Variants in CHM observed in about 807,000 individuals in gnomAD.
The protein encoded by CHM is rab proteins geranylgeranyltransferase component A 1.
Under a neutral mutation model 49.0 loss-of-function variants are expected in CHM, and 10 were observed. That is an observed-to-expected ratio of 0.20 (90% CI 0.13 to 0.35). The LOEUF (loss-of-function observed/expected upper bound fraction) is 0.35. Among genes scored for constraint, CHM ranks in the 10% least tolerant of loss-of-function variants. The pLI is 1.00. For missense variants in CHM, 455 were observed against 478.4 expected (o/e 0.95, Z 0.46); for synonymous variants, 184 against 167.5 (o/e 1.10, Z -0.76).
At position 85,935,095 on chromosome X, in the gene CHM, C is replaced by T. The variant is rs1301609068; in HGVS notation, c.1166+21058G>A. 2.7e-5 allele frequency among the ~76,000 whole-genome samples: 3 copies of T among 111,650 alleles called. No homozygotes were observed. In the East Asian group the frequency reaches 8.5e-4, roughly 31 times the overall value. On this transcript the variant is annotated intron_variant, in intron 8 of 14. Coordinates refer to ENST00000357749, the MANE Select transcript of CHM (RefSeq NM_000390.4). ...GGCTGTTCAAGAAACATGGTGCCAGCATCTGCTTCTGGTGAGAGCTTCAGG... is the reference window on the plus strand; with the variant it reads ...GGCTGTTCAAGAAACATGGTGCCAGTATCTGCTTCTGGTGAGAGCTTCAGG...
chrX:85,913,337 AAAGAAAGAAAGAAAGAAAGAAAGAAAG>A, intron 8 of CHM, among the ~76,000 whole-genome samples: 2 of 52,563 alleles, frequency 3.8e-5, no homozygotes, highest in Middle Eastern at 8.4e-3. Context: ...AAAAAAAAAG[AAAGAAAGAAAGAAAGAAAGAAAGAAAG>A]AAAGAAAGAA....
At chrX:86,002,193 C>A (rs1205558081) in intron 2 of CHM, among the ~76,000 whole-genome samples, 1 of 112,112 alleles carries the variant, frequency 8.9e-6, no homozygotes, top group African/African-American at 3.2e-5. Flanking sequence ...TCTCTGAAAG[C>A]TGGAACCTGG....
At chrX:85,935,362 G>A (rs1223189980) in intron 8 of CHM, among the ~76,000 whole-genome samples, 1 of 111,540 alleles carries the variant, frequency 9.0e-6, no homozygotes, top group Non-Finnish European at 1.9e-5. Flanking sequence ...TTCAACATGA[G>A]ATTTGGAGGA....
chrX:85,916,375 A>G (rs1227736022), intron 8 of CHM, among the ~76,000 whole-genome samples: 1 of 112,146 alleles, frequency 8.9e-6, no homozygotes, highest in Non-Finnish European at 1.9e-5. Context: ...AGGAAATACC[A>G]TTCTGGACAT....
At chrX:86,045,680 A>G (rs746069319) in intron 1 of CHM, among the ~76,000 whole-genome samples, 11 of 111,606 alleles carry the variant, frequency 9.9e-5, no homozygotes, top group African/African-American at 3.6e-4. Context: ...ATGTCTTCCA[A>G]TTCTGAACTG....
chrX:85,870,881 C>T (rs1924009437), intron 14 of CHM, among the ~76,000 whole-genome samples: 1 of 111,353 alleles, frequency 9.0e-6, no homozygotes, highest in Non-Finnish European at 1.9e-5. Flanking sequence ...GTTTTCGGTG[C>T]ATCTTCAAAT....
rs774729117 is a variant in CHM, at chrX:85,864,847, C to T, written c.1771-26G>A. ...CTGGCCAAGGAAGAAAAGATAAAATCGTTTTTGGAAATCGGTTTAAAATGT... is the reference window on the plus strand; with the variant it reads ...CTGGCCAAGGAAGAAAAGATAAAATTGTTTTTGGAAATCGGTTTAAAATGT... On this transcript the variant is annotated intron_variant, in intron 14 of 14. Coordinates refer to ENST00000357749, the MANE Select transcript of CHM (RefSeq NM_000390.4). 1.1e-5 allele frequency: 13 copies of T among 1,175,027 alleles called. No homozygotes were observed. The East Asian group carries it at 3.1e-4, about 28-fold the overall frequency.
chrX:85,912,660 C>G (rs1927101519), intron 8 of CHM, among the ~76,000 whole-genome samples: 1 of 111,393 alleles, frequency 9.0e-6, no homozygotes, highest in Non-Finnish European at 1.9e-5. Context: ...GATTAATGCA[C>G]TGATCTTGAG....
intron 12 of CHM, among the ~76,000 whole-genome samples, chrX:85,888,568 C>T (rs1030373088): frequency 4.5e-5 from 5 of 111,339 alleles, no homozygotes; most frequent in African/African-American, 9.8e-5. Context: ...AAAGCTGGAA[C>T]GAAGAAAGCA....
chrX:86,007,604 G>A (rs372679455), intron 2 of CHM, among the ~76,000 whole-genome samples: 40 of 112,175 alleles, frequency 3.6e-4, no homozygotes, highest in South Asian at 1.1e-3. Flanking sequence ...AAGGATATTA[G>A]TAGACACTTC....
intron 2 of CHM, among the ~76,000 whole-genome samples, chrX:85,999,369 A>G (rs1331431043): frequency 8.9e-6 from 1 of 111,777 alleles, no homozygotes; most frequent in African/African-American, 3.2e-5. Context: ...GACCCCAAAT[A>G]TTAAGTATTC....
intron 11 of CHM, 55 bp downstream of exon 11, chrX:85,900,591 C>G: frequency 1.4e-6 from 1 of 721,937 alleles, no homozygotes; most frequent in Non-Finnish European, 2.1e-6. Flanking sequence ...TATATATATA[C>G]CGAAACATCT....
At chrX:85,982,097 GGCATTTA>G (rs759617399) in intron 2 of CHM, among the ~76,000 whole-genome samples, 199 of 111,972 alleles carry the variant, frequency 1.8e-3, no homozygotes, top group African/African-American at 6.1e-3. Context: ...GCCTGACATG[GGCATTTA>G]GCAGGTAACA....
At chrX:85,928,795 C>A (rs752168565) in intron 8 of CHM, among the ~76,000 whole-genome samples, 35 of 111,308 alleles carry the variant, frequency 3.1e-4, no homozygotes, top group African/African-American at 1.1e-3. Context: ...AAACACTGGG[C>A]ACAAGGCCAT....
chrX:85,985,826 A>G (rs1230706167), intron 2 of CHM, among the ~76,000 whole-genome samples: 1 of 111,942 alleles, frequency 8.9e-6, no homozygotes, highest in Non-Finnish European at 1.9e-5. Flanking sequence ...GCAGCCCTAC[A>G]GAAAAGCAGC....
intron 8 of CHM, among the ~76,000 whole-genome samples, chrX:85,913,388 A>AAAG (rs1441206927): frequency 6.0e-5 from 5 of 83,465 alleles, no homozygotes; most frequent in African/African-American, 1.3e-4. Flanking sequence ...AAGAAAGAAA[A>AAAG]AAGGAAAAGG....
intron 14 of CHM, among the ~76,000 whole-genome samples, chrX:85,872,751 T>C (rs981138676): frequency 5.4e-5 from 6 of 112,125 alleles, no homozygotes; most frequent in African/African-American, 1.3e-4. Flanking sequence ...CTTTAAAATA[T>C]TGGCATTATA....
intron 14 of CHM, among the ~76,000 whole-genome samples, chrX:85,866,231 A>G (rs961261379): frequency 3.6e-5 from 4 of 112,242 alleles, no homozygotes; most frequent in Non-Finnish European, 7.5e-5. Flanking sequence ...ATGGTACCCT[A>G]CATCCCAGCT....
intron 14 of CHM, 56 bp downstream of exon 14, chrX:85,872,995 TA>T: frequency 8.9e-7 from 1 of 1,117,552 alleles, no homozygotes; most frequent in South Asian, 1.9e-5. Flanking sequence ...GAGGAAAAAA[TA>T]TTTCCCAACC....
Sources: allele counts gnomAD v4.1 joint callset (sites outside exome capture counted in the v4.1 genomes callset), GRCh38; gene constraint gnomAD v4.1.1; transcripts MANE v1.5; gene names NCBI Gene and HGNC (gene_info 2026-07-23, HGNC 2026-07-21).